The following ENOX1 variants were observed in gnomAD, a reference collection of about 807,000 sequenced individuals.
The protein encoded by ENOX1 is candidate growth-related and time keeping constitutive hydroquinone (NADH) oxidase.
ENOX1 carries 42 observed loss-of-function variants against 82.5 expected under a neutral mutation model. The ratio of observed to expected loss-of-function variants is 0.51; its 90% CI spans 0.40 to 0.66. The LOEUF (loss-of-function observed/expected upper bound fraction) is 0.66, where lower values mean the gene tolerates loss of function less well. Ranked by LOEUF, ENOX1 falls within the 30% of genes least tolerant of loss-of-function variation. The probability of loss-of-function intolerance (pLI) is 0.00; values close to 1 mark genes in which losing one functional copy is unlikely to be tolerated. For synonymous variants in ENOX1, 271 were observed against 282.2 expected, an observed-to-expected ratio of 0.96 and a Z score of 0.40; for missense variants, 608 against 811.6, an observed-to-expected ratio of 0.75 and a Z score of 3.05.
chr13:43,688,744 G>C (rs2086205360), intron 1 of ENOX1, among the ~76,000 whole-genome samples: 1 of 149,960 alleles, frequency 6.7e-6, no homozygotes, highest in African/African-American at 2.5e-5. Flanking sequence ...TATTTGCAGA[G>C]AAAGGGGCAC....
intron 1 of ENOX1, among the ~76,000 whole-genome samples, chr13:43,747,597 C>T (rs1363106405): frequency 6.6e-6 from 1 of 152,218 alleles, no homozygotes; most frequent in East Asian, 1.9e-4. Context: ...GAGGAGAAAA[C>T]ATGTCTAAGC....
chr13:43,525,541 T>A (rs2153685155), intron 2 of ENOX1, among the ~76,000 whole-genome samples: 1 of 152,240 alleles, frequency 6.6e-6, no homozygotes, highest in Non-Finnish European at 1.5e-5. Flanking sequence ...ATTTTTGTTT[T>A]TTTGAGGAAC....
chr13:43,563,090 TCTC>T (rs2079755967), intron 2 of ENOX1, among the ~76,000 whole-genome samples: 1 of 152,054 alleles, frequency 6.6e-6, no homozygotes, highest in Non-Finnish European at 1.5e-5. Flanking sequence ...TATACACTCT[TCTC>T]CTCAGCACAT....
chr13:43,578,069 G>A (rs2080524920), intron 2 of ENOX1, among the ~76,000 whole-genome samples: 2 of 152,046 alleles, frequency 1.3e-5, no homozygotes, highest in African/African-American at 2.4e-5. Context: ...TAATCAGAGA[G>A]AAGAAAGGAA....
chr13:43,615,320 C>T (rs1308273997), intron 2 of ENOX1, among the ~76,000 whole-genome samples: 1 of 152,008 alleles, frequency 6.6e-6, no homozygotes, highest in Non-Finnish European at 1.5e-5. Flanking sequence ...TAATAGTGAG[C>T]AATAACGCCC....
intron 2 of ENOX1, among the ~76,000 whole-genome samples, chr13:43,589,469 A>G (rs2081144889): frequency 6.6e-6 from 1 of 152,072 alleles, no homozygotes; most frequent in South Asian, 2.1e-4. Flanking sequence ...GATGGTGTGA[A>G]GTTTATATTA....
intron 1 of ENOX1, among the ~76,000 whole-genome samples, chr13:43,694,470 A>G (rs1299211161): frequency 6.6e-6 from 1 of 152,152 alleles, no homozygotes; most frequent in Non-Finnish European, 1.5e-5. Context: ...ACACTCACAC[A>G]ATGCAATTCA....
chr13:43,297,367 A>C (rs1270528901), intron 12 of ENOX1, among the ~76,000 whole-genome samples: 1 of 152,104 alleles, frequency 6.6e-6, no homozygotes, highest in Non-Finnish European at 1.5e-5. Context: ...AATTGACTCT[A>C]TATATTTTAA....
At chr13:43,474,866 T>A (rs1353211152) in intron 3 of ENOX1, among the ~76,000 whole-genome samples, 1 of 152,112 alleles carries the variant, frequency 6.6e-6, no homozygotes, top group Non-Finnish European at 1.5e-5. Flanking sequence ...TTACTAGACA[T>A]GTTTTCTCAT....
chr13:43,221,756 T>TA (rs1281934087), intron 16 of ENOX1, among the ~76,000 whole-genome samples: 2 of 152,212 alleles, frequency 1.3e-5, no homozygotes, highest in African/African-American at 4.8e-5. Context: ...ATTAATTCCT[T>TA]CCATTCCTAG....
intron 2 of ENOX1, among the ~76,000 whole-genome samples, chr13:43,494,021 A>C (rs931146097): frequency 6.6e-6 from 1 of 152,152 alleles, no homozygotes; most frequent in African/African-American, 2.4e-5. Flanking sequence ...AATACTTATA[A>C]AACCATCAGA....
At chr13:43,453,150 T>C (rs767734297) in intron 3 of ENOX1, among the ~76,000 whole-genome samples, 2 of 152,208 alleles carry the variant, frequency 1.3e-5, no homozygotes, top group Non-Finnish European at 2.9e-5. Context: ...TCTTGGGCTG[T>C]TCACCAGCCC....
At chr13:43,242,524 A>T (rs2042887734) in intron 14 of ENOX1, among the ~76,000 whole-genome samples, 1 of 152,168 alleles carries the variant, frequency 6.6e-6, no homozygotes, top group East Asian at 1.9e-4. Context: ...GAATTTACCA[A>T]TGCCCAGTTC....
intron 2 of ENOX1, among the ~76,000 whole-genome samples, chr13:43,643,893 G>T (rs1445647186): frequency 6.6e-6 from 1 of 151,960 alleles, no homozygotes; most frequent in African/African-American, 2.4e-5. Context: ...TACAGTAGCT[G>T]CTTATTTTAA....
chr13:43,399,182 TAATC>T (rs1473954312), intron 5 of ENOX1, among the ~76,000 whole-genome samples: 3 of 152,236 alleles, frequency 2.0e-5, no homozygotes. Context: ...AAATATATGT[TAATC>T]AACTGTTTAC....
chr13:43,298,639 C>T, intron 11 of ENOX1, 109 bp from the exon 12 acceptor site: 2 of 1,064,168 alleles, frequency 1.9e-6, no homozygotes, highest in Non-Finnish European at 2.6e-6. Flanking sequence ...TTTGTACCAG[C>T]TCAGAAATAA....
chr13:43,373,510 A>G (rs1268412929), intron 5 of ENOX1, among the ~76,000 whole-genome samples: 1 of 152,086 alleles, frequency 6.6e-6, no homozygotes, highest in East Asian at 1.9e-4. Flanking sequence ...CCTTAAACTG[A>G]GTTTTCCCTT....
At chr13:43,281,190 G>T (rs1419378188) in intron 12 of ENOX1, among the ~76,000 whole-genome samples, 1 of 151,094 alleles carries the variant, frequency 6.6e-6, no homozygotes, top group Non-Finnish European at 1.5e-5. Flanking sequence ...CAGACTCTCT[G>T]TAAGGAAAAA....
chr13:43,710,558 A>T, intron 1 of ENOX1, among the ~76,000 whole-genome samples: 1 of 152,182 alleles, frequency 6.6e-6, no homozygotes, highest in Non-Finnish European at 1.5e-5. Context: ...TCAGGCCAAC[A>T]CTATGAGAAA....
Sources: gnomAD v4.1 joint callset for allele counts (sites outside exome capture counted in the v4.1 genomes callset) on GRCh38, gnomAD v4.1.1 for gene constraint, MANE v1.5 for transcripts, NCBI Gene and HGNC (gene_info 2026-07-23, HGNC 2026-07-21) for gene names.